Variants in AGAP1 observed in about 807,000 individuals in gnomAD.
AGAP1 encodes arf-GAP with GTPase, ANK repeat and PH domain-containing protein 1.
A neutral mutation model predicts 105.3 loss-of-function variants in AGAP1; 29 were observed. The observed-to-expected ratio is 0.28, with a 90% CI of 0.21 to 0.38. The LOEUF is 0.38. Among genes scored for constraint, AGAP1 ranks in the 10% least tolerant of loss-of-function variants. The pLI, the probability that AGAP1 is intolerant of heterozygous loss-of-function variation, is 1.00. For synonymous variants in AGAP1, 509 were observed against 485.9 expected (o/e 1.05, Z -0.63); for missense variants, 998 against 1,165.1 (o/e 0.86, Z 2.09).
intron 10 of AGAP1, among the ~76,000 whole-genome samples, chr2:235,886,050 C>G (rs1201096569): frequency 6.6e-6 from 1 of 152,150 alleles, no homozygotes; most frequent in African/African-American, 2.4e-5. Context: ...GTCTCCAGTT[C>G]TGCAGCCCTC....
In AGAP1 at chr2:235,897,750, G is replaced by T. The variant is rs190606393; in HGVS notation, c.1156-10988G>T. Among the ~76,000 whole-genome samples, 46 of 152,194 alleles carry T rather than the reference G, an allele frequency of 3.0e-4. 1 individual carries two copies. The East Asian group carries it at 7.9e-3, about 26-fold the overall frequency. Reference sequence around the variant, plus strand: ...CTCAGTAGGAGAGGATGACTGTGGGGGGTCATGAGGAATGTTCTTTTACTT... The same window carrying T: ...CTCAGTAGGAGAGGATGACTGTGGGTGGTCATGAGGAATGTTCTTTTACTT... On this transcript the variant is annotated intron_variant, in intron 10 of 17. Coordinates refer to ENST00000304032, the MANE Select transcript of AGAP1 (RefSeq NM_001037131.3).
At position 235,931,434 on chromosome 2, in the gene AGAP1, C is replaced by CATT. The variant is rs373457404; in HGVS notation, c.1483+530_1483+532dup. 6.5e-4 allele frequency among the ~76,000 whole-genome samples: 98 copies of CATT among 151,526 alleles called. No individual in the cohort carries two copies. Among genetic ancestry groups the CATT allele is most frequent in the Admixed American group, 3.0e-3 (45 of 15,208 alleles). On this transcript the variant is annotated intron_variant, in intron 12 of 17. Coordinates refer to ENST00000304032, the MANE Select transcript of AGAP1 (RefSeq NM_001037131.3). This position sits in a 1 kb window ranked among gnomAD's most constrained non-coding sequence, Gnocchi z 5.6. ...TCCTTCAGTTTTCAAATTCCTTTGG[C>CATT]ATTATTATTATTATTATTATTTTGA...
intron 6 of AGAP1, among the ~76,000 whole-genome samples, chr2:235,785,602 A>C (rs1399157621): frequency 1.3e-5 from 2 of 151,752 alleles, no homozygotes; most frequent in Non-Finnish European, 2.9e-5. Context: ...TTTTCTTTAA[A>C]ATTTTGTATA....
intron 13 of AGAP1, among the ~76,000 whole-genome samples, chr2:236,034,399 C>A (rs1001695054): frequency 4.6e-5 from 7 of 152,054 alleles, no homozygotes; most frequent in Non-Finnish European, 1.0e-4. Context: ...CTTCCTCCCC[C>A]ACCCCTCTTT....
At position 235,931,036 on chromosome 2, in the gene AGAP1, C is replaced by T; in HGVS notation, c.1483+113C>T. The T allele has an allele frequency of 1.6e-6, 2 of 1,256,370 alleles. No individual in the cohort carries two copies. The highest frequency in any genetic ancestry group is 1.5e-5 in the African/African-American group (1 of 65,750). 77.8% of individuals were successfully genotyped at this position (1,256,370 alleles called of 1,614,324 possible). On this transcript the variant is annotated intron_variant, in intron 12 of 17. Coordinates refer to ENST00000304032, the MANE Select transcript of AGAP1 (RefSeq NM_001037131.3). This position sits in a 1 kb window ranked among gnomAD's most constrained non-coding sequence, Gnocchi z 5.6. ...CATGCTCCTCTGGGAGCGCAGCACC[C>T]TGTGGGGCGGCTGCATCAGAGACTC...
intron 1 of AGAP1, among the ~76,000 whole-genome samples, chr2:235,539,849 A>T (rs574516505): frequency 5.9e-5 from 9 of 152,290 alleles, no homozygotes; most frequent in African/African-American, 1.9e-4. Context: ...CAACTAAGGG[A>T]TGTGAAGATT....
Position 235,959,945 on chromosome 2 carries a change from T to C in AGAP1, c.1484-8517T>C, listed in dbSNP as rs545688592. Among the ~76,000 whole-genome samples the C allele has an allele frequency of 1.3e-5, 2 of 152,124 alleles. No individual in the cohort carries two copies. The highest frequency in any genetic ancestry group is 4.2e-4 in the South Asian group (2 of 4,796). ...CCACCTCTGAGTGGTCAGGCGCCACTGGTTGTCTCCTTCCAGCAAGAAAGT... is the reference window on the plus strand; with the variant it reads ...CCACCTCTGAGTGGTCAGGCGCCACCGGTTGTCTCCTTCCAGCAAGAAAGT... On this transcript the variant is annotated intron_variant, in intron 12 of 17. Coordinates refer to ENST00000304032, the MANE Select transcript of AGAP1 (RefSeq NM_001037131.3). This position sits in a 1 kb window ranked among gnomAD's most constrained non-coding sequence, Gnocchi z 7.3.
At chr2:235,858,490 T>C (rs867534664) in intron 9 of AGAP1, among the ~76,000 whole-genome samples, 1 of 152,210 alleles carries the variant, frequency 6.6e-6, no homozygotes, top group Non-Finnish European at 1.5e-5. Flanking sequence ...TGTTTGTACA[T>C]GTTTGAGTTT....
chr2:236,050,493 T>C lies in AGAP1; in HGVS notation c.2114+1212T>C, dbSNP rs147040808. ...GTAAGTTTCTTACAAACCGAAGAAA[T>C]TATGCACTTTAAAAAGTATTTATCT... is the stretch of plus-strand genomic sequence containing the variant. On this transcript the variant is annotated intron_variant, in intron 16 of 17. Transcript: ENST00000304032. The surrounding 1 kb of genome is among the most constrained non-coding windows in gnomAD (Gnocchi z 4.0). 1.6e-3 allele frequency among the ~76,000 whole-genome samples: 248 copies of C among 152,328 alleles called. 3 individuals carry two copies. The highest frequency in any genetic ancestry group is 5.6e-3 in the African/African-American group (233 of 41,576).
At chr2:235,703,654 G>C (rs376913189) in intron 1 of AGAP1, among the ~76,000 whole-genome samples, 3 of 150,708 alleles carry the variant, frequency 2.0e-5, no homozygotes, top group Admixed American at 1.3e-4. Context: ...GCTGGAGTGC[G>C]GTGGCACAAT....
rs1943830232 is a variant in AGAP1 at position 235,552,054 on chromosome 2, C to T, written c.163+57205C>T. On this transcript the variant is annotated intron_variant, in intron 1 of 17. Transcript: ENST00000304032. This position sits in a 1 kb window ranked among gnomAD's most constrained non-coding sequence, Gnocchi z 5.9. Reference sequence around the variant, plus strand: ...GTCCCTGCCACCTGCTGGAAGGAGCCTGCAGGGAACTGTTTGTTGTGTGCT... The same window carrying T: ...GTCCCTGCCACCTGCTGGAAGGAGCTTGCAGGGAACTGTTTGTTGTGTGCT... 6.6e-6 allele frequency among the ~76,000 whole-genome samples: 1 copy of T among 152,232 alleles called. No individual in the cohort carries two copies. The highest frequency in any genetic ancestry group is 6.5e-5 in the Admixed American group (1 of 15,288).
rs1344698468 is a variant in AGAP1, at chr2:235,732,601, C to G, written c.311-8362C>G. Reference sequence around the variant, plus strand: ...CCCTTCCCTCCTTCCTCTCCCCAAGCCTCTCCCGCCTTCCCATTTTCCCTG... The same window carrying G: ...CCCTTCCCTCCTTCCTCTCCCCAAGGCTCTCCCGCCTTCCCATTTTCCCTG... On this transcript the variant is annotated intron_variant, in intron 3 of 17. Coordinates refer to ENST00000304032, the MANE Select transcript of AGAP1 (RefSeq NM_001037131.3). The surrounding 1 kb of genome is among the most constrained non-coding windows in gnomAD (Gnocchi z 4.8). 6.6e-6 allele frequency among the ~76,000 whole-genome samples: 1 copy of G among 152,182 alleles called. No homozygotes were observed. The highest frequency in any genetic ancestry group is 1.5e-5 in the Non-Finnish European group (1 of 68,032).
rs995933977 is a variant in AGAP1, at chr2:235,976,934, C to T, written c.1645+8311C>T. ...CTGGGGGTACCTAGGCAACTCCTGA[C>T]GCCACAGACAAGCATTTGAGCTCCT... On this transcript the variant is annotated intron_variant, in intron 13 of 17. Coordinates refer to ENST00000304032, the MANE Select transcript of AGAP1 (RefSeq NM_001037131.3). This position sits in a 1 kb window ranked among gnomAD's most constrained non-coding sequence, Gnocchi z 4.5. Among the ~76,000 whole-genome samples the T allele has an allele frequency of 1.2e-4, 18 of 152,316 alleles. No individual in the cohort carries two copies. The highest frequency in any genetic ancestry group is 3.9e-4 in the East Asian group (2 of 5,184).
intron 1 of AGAP1, among the ~76,000 whole-genome samples, chr2:235,534,390 CATCT>C (rs899394840): frequency 1.3e-5 from 2 of 152,150 alleles, no homozygotes; most frequent in African/African-American, 4.8e-5. Flanking sequence ...AAGCAGCATC[CATCT>C]GAGGACTCAT....
chr2:235,602,782 A>G (rs1180064506), intron 1 of AGAP1, among the ~76,000 whole-genome samples: 2 of 151,930 alleles, frequency 1.3e-5, no homozygotes, highest in Non-Finnish European at 2.9e-5. Context: ...GCTCACTGCA[A>G]CCTCCGCCTC....
At chr2:235,854,504 C>T (rs993343444) in intron 9 of AGAP1, among the ~76,000 whole-genome samples, 1 of 152,218 alleles carries the variant, frequency 6.6e-6, no homozygotes, top group Non-Finnish European at 1.5e-5. Context: ...AGGATGGCTG[C>T]CTCATTCCAG....
chr2:235,505,583 T>A (rs1053646421), intron 1 of AGAP1, among the ~76,000 whole-genome samples: 1 of 152,072 alleles, frequency 6.6e-6, no homozygotes, highest in Non-Finnish European at 1.5e-5. Flanking sequence ...AACAGGCAGA[T>A]GTGTGGGACA....
chr2:236,116,367 T>TTTTTTTTTTTTGA (rs1553578895), intron 16 of AGAP1, among the ~76,000 whole-genome samples: 5 of 150,422 alleles, frequency 3.3e-5, no homozygotes, highest in Non-Finnish European at 5.9e-5. Context: ...CTTTTTTTTT[T>TTTTTTTTTTTTGA]GAGAGAGAGT....
At position 235,927,111 on chromosome 2, in the gene AGAP1, A is replaced by G. The variant is rs1050567784; in HGVS notation, c.1325-3654A>G. Among the ~76,000 whole-genome samples the G allele has an allele frequency of 2.0e-5, 3 of 152,144 alleles. No homozygotes were observed. Among genetic ancestry groups the G allele is most frequent in the Non-Finnish European group, 4.4e-5 (3 of 68,024 alleles). On this transcript the variant is annotated intron_variant, in intron 11 of 17. Coordinates refer to ENST00000304032, the MANE Select transcript of AGAP1 (RefSeq NM_001037131.3). The surrounding 1 kb of genome is among the most constrained non-coding windows in gnomAD (Gnocchi z 4.4). ...ATGTATACACCTTGATGTGGCCCAA[A>G]TTCAGTCATGCTGTTTCAGTGTAGT...
Sources: gnomAD v4.1 joint callset for allele counts (sites outside exome capture counted in the v4.1 genomes callset) on GRCh38, gnomAD v4.1.1 for gene constraint, Gnocchi (gnomAD v3.1) non-coding constraint, MANE v1.5 for transcripts, NCBI Gene and HGNC (gene_info 2026-07-23, HGNC 2026-07-21) for gene names.